The following ARL13A variants were observed in gnomAD, a reference collection of about 807,000 sequenced individuals.
ARL13A encodes the protein ADP-ribosylation factor-like protein 13A.
In ARL13A, 16 loss-of-function variants were observed where a neutral mutation model predicts 19.1. That is an observed-to-expected ratio of 0.84 (90% CI 0.57 to 1.27). The LOEUF is 1.27. Ranked by LOEUF, ARL13A falls within the 50% of genes most tolerant of loss-of-function variation. The pLI is 0.00. For synonymous variants in ARL13A, 69 were observed against 71.3 expected, an observed-to-expected ratio of 0.97 and a Z score of 0.17; for missense variants, 153 against 186.4, an observed-to-expected ratio of 0.82 and a Z score of 1.04.
At chrX:100,988,869 T>TGAG (rs2085979355) in intron 7 of ARL13A, among the ~76,000 whole-genome samples, 1 of 100,038 alleles carries the variant, frequency 1.0e-5, no homozygotes, top group African/African-American at 3.7e-5. Flanking sequence ...TATATATATA[T>TGAG]ATATATATAT....
chrX:100,972,612 C>T (rs1258598752), intron 1 of ARL13A, among the ~76,000 whole-genome samples: 2 of 39,864 alleles, frequency 5.0e-5, no homozygotes, highest in African/African-American at 1.1e-4. Context: ...TAGGGGTGGC[C>T]GGGCAGAGGC....
chrX:100,990,308 G>T, intron 7 of ARL13A: 1 of 880,482 alleles, frequency 1.1e-6, no homozygotes, highest in Non-Finnish European at 1.4e-6. Flanking sequence ...TACAATAACT[G>T]ACCTTTTTCT....
intron 1 of ARL13A, among the ~76,000 whole-genome samples, chrX:100,970,108 G>T (rs1396145911): frequency 1.8e-5 from 2 of 112,533 alleles, no homozygotes; most frequent in Non-Finnish European, 3.8e-5. Context: ...AGCGGTTACT[G>T]GCCTCTTCTC....
intron 3 of ARL13A, among the ~76,000 whole-genome samples, chrX:100,979,198 G>A (rs1486550539): frequency 9.0e-6 from 1 of 111,558 alleles, no homozygotes; most frequent in Non-Finnish European, 1.9e-5. Flanking sequence ...GTATTTGTCT[G>A]TATGAGTTGC....
At chrX:100,987,031 A>G in intron 5 of ARL13A, 130 bp downstream of exon 5, 1 of 432,554 alleles carries the variant, frequency 2.3e-6, no homozygotes, top group Non-Finnish European at 4.0e-6. Context: ...ACCCACAGTG[A>G]TTCCTGACTT....
chrX:100,972,300 G>A (rs929050424), intron 1 of ARL13A, among the ~76,000 whole-genome samples: 2 of 101,812 alleles, frequency 2.0e-5, no homozygotes, highest in Admixed American at 2.0e-4. Context: ...TTCCCAGTAG[G>A]GGGGGCCGGG....
intron 3 of ARL13A, among the ~76,000 whole-genome samples, chrX:100,981,448 G>C (rs1002312413): frequency 9.1e-6 from 1 of 110,272 alleles, no homozygotes; most frequent in Non-Finnish European, 1.9e-5. Flanking sequence ...GATGAGGAAA[G>C]GGTGGTGCTG....
At chrX:100,983,378 C>CT (rs1292363176) in intron 3 of ARL13A, among the ~76,000 whole-genome samples, 3 of 109,551 alleles carry the variant, frequency 2.7e-5, no homozygotes, top group Middle Eastern at 4.3e-3. Context: ...TTTTTTGAGA[C>CT]AGACGTCTCG....
intron 1 of ARL13A, among the ~76,000 whole-genome samples, chrX:100,972,461 A>T (rs1174024812): frequency 1.1e-5 from 1 of 93,042 alleles, no homozygotes; most frequent in Non-Finnish European, 2.2e-5. Context: ...CACCTCCCAG[A>T]CGGGGCGGCT....
At chrX:100,984,284 GT>G (rs2085906198) in intron 3 of ARL13A, among the ~76,000 whole-genome samples, 1 of 107,143 alleles carries the variant, frequency 9.3e-6, no homozygotes, top group African/African-American at 3.4e-5. Context: ...CGGCTAAGTT[GT>G]TTTTTGTTTT....
Position 100,986,876 on chromosome X carries a change from AAG to A in ARL13A, c.465_466del (p.Asn156Ter), listed in dbSNP as rs2085942809. 1 of 1,195,670 alleles carries A rather than the reference AAG, an allele frequency of 8.4e-7. No individual in the cohort carries two copies. Among genetic ancestry groups the A allele is most frequent in the Non-Finnish European group, 1.1e-6 (1 of 885,241 alleles). On this transcript the variant is annotated frameshift_variant, in exon 5 of 8. Coordinates refer to ENST00000450049, the MANE Select transcript of ARL13A (RefSeq NM_001162491.2). LOFTEE classifies it high-confidence loss of function. The stretch of plus-strand genomic sequence containing the variant: ...TATCTACTTCTAAAGAAGCTAGTGA[AAG>A]AGAATAAGTGCCCATGCCGAGTAGT...
At chrX:100,972,222 C>A (rs2085663006) in intron 1 of ARL13A, among the ~76,000 whole-genome samples, 2 of 97,509 alleles carry the variant, frequency 2.1e-5, no homozygotes, top group African/African-American at 7.5e-5. Context: ...GTCATCCTGG[C>A]CCGTTCTCAA....
chrX:100,985,731 T>C lies in ARL13A; in HGVS notation c.195T>C (p.Tyr65=), dbSNP rs2085926499. Residue 65 remains tyrosine, a synonymous_variant, in exon 4 of 8, where the codon TAT becomes TAC. Coordinates refer to ENST00000450049, the MANE Select transcript of ARL13A (RefSeq NM_001162491.2). The part of the protein sequence containing the change: ...SELTTLLLDE[Y]ELSIYDLNGD... Reference sequence around the variant, plus strand: ...TGACTACACTTTTGTTAGATGAGTATGAACTTTCCATCTATGACCTGAATG... The same window carrying C: ...TGACTACACTTTTGTTAGATGAGTACGAACTTTCCATCTATGACCTGAATG... 4 of 1,210,945 alleles carry C rather than the reference T, an allele frequency of 3.3e-6. No individual in the cohort carries two copies. Among genetic ancestry groups the C allele is most frequent in the Non-Finnish European group, 4.5e-6 (4 of 894,937 alleles).
chrX:100,988,851 C>CATATATATATATATATATATAT (rs55947893), intron 7 of ARL13A, among the ~76,000 whole-genome samples: 1 of 79,688 alleles, frequency 1.3e-5, no homozygotes. Flanking sequence ...TAATATATCT[C>CATATATATATATATATATATAT]ATATATATAT....
chrX:100,990,671 C>T lies in ARL13A; in HGVS notation c.*83C>T, dbSNP rs767230530. On this transcript the variant is annotated 3_prime_UTR_variant, in exon 8 of 8. Transcript: ENST00000450049. ...AGAACAGAGACTTTACATCTTTGTA[C>T]CGAGATGCTGCTGACAAAGCTTGTG... 5.8e-5 allele frequency: 57 copies of T among 974,882 alleles called. No homozygotes were observed. Among genetic ancestry groups the T allele is most frequent in the Non-Finnish European group, 7.5e-5 (53 of 703,830 alleles). The allele number at this position is 974,882 out of a possible 1,213,427, so 80.3% of individuals were successfully genotyped here. A position where few individuals can be genotyped will look rare whatever the true frequency, so the allele number is the denominator to read the frequency against.
intron 3 of ARL13A, among the ~76,000 whole-genome samples, chrX:100,977,366 CTTCTTTTTTTTTTT>C (rs1306485774): frequency 3.8e-5 from 3 of 78,172 alleles, no homozygotes; most frequent in Non-Finnish European, 6.8e-5. Flanking sequence ...CTTCTACTCT[CTTCTTTTTTTTTTT>C]TTTTTTTTTT....
Position 100,987,454 on chromosome X carries a change from G to A in ARL13A, c.551G>A (p.Arg184His), listed in dbSNP as rs756821238. ...CATCAGCCCATAGTTGAAGGACTGC[G>A]CTGGCTATTAGCTGTCATTGATACT... ...RNHQPIVEGL[R>H]WLLAVIDTCQ... The change falls in exon 6 of 8, where the codon CGC becomes CAC. Residue 184 changes from arginine (R) to histidine (H), a missense_variant. Transcript: ENST00000450049. 83 of 1,209,259 alleles carry A rather than the reference G, an allele frequency of 6.9e-5. No individual in the cohort carries two copies. The highest frequency in any genetic ancestry group is 4.6e-4 in the Middle Eastern group (2 of 4,375).
intron 4 of ARL13A, 143 bp downstream of exon 4, chrX:100,986,059 T>G (rs2085931972): frequency 1.4e-6 from 1 of 710,635 alleles, no homozygotes; most frequent in South Asian, 3.1e-5. Context: ...CGGCCCAATT[T>G]TCTGAGGTTT....
At chrX:100,987,928 C>T (rs1339857619) in intron 6 of ARL13A, among the ~76,000 whole-genome samples, 1 of 112,027 alleles carries the variant, frequency 8.9e-6, no homozygotes, top group Non-Finnish European at 1.9e-5. Context: ...CATGAACCTA[C>T]TCAATATTCT....
Sources: gnomAD v4.1 joint callset for allele counts (sites outside exome capture counted in the v4.1 genomes callset) on GRCh38, gnomAD v4.1.1 for gene constraint, MANE v1.5 for transcripts, NCBI Gene and HGNC (gene_info 2026-07-23, HGNC 2026-07-21) for gene names.